Variants in KAT6A observed in about 807,000 individuals in gnomAD.
KAT6A encodes the protein histone acetyltransferase KAT6A.
In KAT6A, 9 loss-of-function variants were observed where a neutral mutation model predicts 198.4. The ratio of observed to expected loss-of-function variants is 0.05; its 90% CI spans 0.03 to 0.08. The LOEUF (loss-of-function observed/expected upper bound fraction) is 0.08. KAT6A is among the 10% of genes least tolerant of loss of function. The pLI is 1.00. For missense variants in KAT6A, 2,077 were observed against 2,509.9 expected (o/e 0.83, Z 3.69); for synonymous variants, 890 against 883.0 (o/e 1.01, Z -0.14).
At chr8:41,978,874 A>C (rs913731481) in intron 5 of KAT6A, 97 bp from the exon 6 acceptor site, 14 of 1,127,706 alleles carry the variant, frequency 1.2e-5, no homozygotes, top group Admixed American at 6.8e-5. Context: ...TTTTTCAGGT[A>C]AAAGACTGTC....
At chr8:41,977,349 A>G (rs769485024) in intron 6 of KAT6A, 22 bp from the exon 7 acceptor site, 27 of 1,571,850 alleles carry the variant, frequency 1.7e-5, no homozygotes, top group Middle Eastern at 1.7e-4. Context: ...AACAGGGGAA[A>G]GGGTAAGTAT....
chr8:42,033,293 A>C (rs1374876768), intron 2 of KAT6A, among the ~76,000 whole-genome samples: 2 of 152,188 alleles, frequency 1.3e-5, no homozygotes, highest in African/African-American at 4.8e-5. Flanking sequence ...TTTAAAAGGC[A>C]GTAAGTAAAA....
chr8:41,976,964 T>C (rs1218926808), intron 7 of KAT6A, 44 bp downstream of exon 7: 1 of 1,407,724 alleles, frequency 7.1e-7, no homozygotes. Context: ...GAATAATACA[T>C]GTACAGAATA....
intron 2 of KAT6A, among the ~76,000 whole-genome samples, chr8:42,028,098 T>C (rs1464296951): frequency 6.6e-6 from 1 of 152,212 alleles, no homozygotes; most frequent in Admixed American, 6.5e-5. Flanking sequence ...TTATTCCATT[T>C]TGGTCTAAGA....
Position 41,931,608 on chromosome 8 carries a change from C to G in KAT6A, c.*597G>C, listed in dbSNP as rs934078173. On this transcript the variant is annotated 3_prime_UTR_variant, in exon 17 of 17. Transcript: ENST00000265713. The stretch of plus-strand genomic sequence containing the variant: ...GTGGAGGGGATTTTAAAAGGAGAAG[C>G]ATTTTCCTGCCTCACTTTATTAATA... 32 of 195,426 alleles carry G rather than the reference C, an allele frequency of 1.6e-4. No individual in the cohort carries two copies. The highest frequency in any genetic ancestry group is 7.2e-4 in the African/African-American group (31 of 43,176). 12.1% of individuals were successfully genotyped at this position (195,426 alleles called of 1,614,324 possible).
intron 15 of KAT6A, among the ~76,000 whole-genome samples, chr8:41,940,350 G>T (rs1057439292): frequency 5.3e-5 from 8 of 152,212 alleles, no homozygotes; most frequent in Admixed American, 1.3e-4. Flanking sequence ...GGGGAGAGTA[G>T]AGAGAAAACA....
intron 2 of KAT6A, among the ~76,000 whole-genome samples, chr8:42,017,859 G>A (rs1465518475): frequency 1.3e-5 from 2 of 152,192 alleles, no homozygotes; most frequent in Non-Finnish European, 2.9e-5. Context: ...TAAGCTCCAC[G>A]AGGGCAGGGA....
At chr8:42,051,062 T>C (rs533395070) in intron 1 of KAT6A, among the ~76,000 whole-genome samples, 112 of 152,242 alleles carry the variant, frequency 7.4e-4, no homozygotes, top group African/African-American at 2.6e-3. Context: ...GCTGCACCGT[T>C]TCCACGCGAT....
At chr8:42,025,382 T>C (rs900432154) in intron 2 of KAT6A, among the ~76,000 whole-genome samples, 8 of 151,920 alleles carry the variant, frequency 5.3e-5, no homozygotes, top group African/African-American at 1.7e-4. Context: ...TGGCTAATTT[T>C]TTGTATTTTT....
intron 2 of KAT6A, among the ~76,000 whole-genome samples, chr8:42,046,642 G>A (rs1458278586): frequency 6.6e-6 from 1 of 152,212 alleles, no homozygotes; most frequent in Non-Finnish European, 1.5e-5. Context: ...TTTCCAGGCA[G>A]TTAACCTGTT....
chr8:41,981,808 A>G, intron 4 of KAT6A, 31 bp downstream of exon 4: 1 of 1,305,768 alleles, frequency 7.7e-7, no homozygotes, highest in Non-Finnish European at 1.1e-6. Flanking sequence ...TACTAAATGA[A>G]ACACCCATAT....
At chr8:41,998,616 C>T (rs1825340945) in intron 2 of KAT6A, among the ~76,000 whole-genome samples, 1 of 152,156 alleles carries the variant, frequency 6.6e-6, no homozygotes, top group Non-Finnish European at 1.5e-5. Flanking sequence ...ACTAAGTAAG[C>T]GTTTGTTGAA....
chr8:41,956,157 C>T (rs11993668), intron 8 of KAT6A, among the ~76,000 whole-genome samples: 2,325 of 152,220 alleles, frequency 0.015, 56 homozygotes, highest in African/African-American at 0.053. Flanking sequence ...CTTTCCAGAT[C>T]AGAAATTCAA....
chr8:41,967,630 C>G (rs1823575877), intron 8 of KAT6A, among the ~76,000 whole-genome samples: 1 of 152,046 alleles, frequency 6.6e-6, no homozygotes, highest in African/African-American at 2.4e-5. Context: ...ATGAACTCAT[C>G]ATTTTTTATG....
At chr8:42,041,515 T>C (rs1440534207) in intron 2 of KAT6A, among the ~76,000 whole-genome samples, 3 of 152,140 alleles carry the variant, frequency 2.0e-5, no homozygotes, top group African/African-American at 4.8e-5. Flanking sequence ...GGTGGGCGGA[T>C]CACCTGAGGT....
chr8:41,965,511 T>C (rs1406716834), intron 8 of KAT6A, among the ~76,000 whole-genome samples: 1 of 152,178 alleles, frequency 6.6e-6, no homozygotes, highest in Admixed American at 6.5e-5. Context: ...AAACATCCTC[T>C]TATCTAGCCA....
chr8:42,023,259 G>T (rs894930327), intron 2 of KAT6A, among the ~76,000 whole-genome samples: 2 of 152,056 alleles, frequency 1.3e-5, no homozygotes, highest in Non-Finnish European at 2.9e-5. Context: ...TGAATGAGTG[G>T]TGAGTGAACA....
intron 2 of KAT6A, among the ~76,000 whole-genome samples, chr8:42,017,304 G>A (rs1360111208): frequency 6.6e-6 from 1 of 152,132 alleles, no homozygotes; most frequent in Non-Finnish European, 1.5e-5. Context: ...CAGGCCCCTT[G>A]AGAGACACTG....
intron 8 of KAT6A, among the ~76,000 whole-genome samples, chr8:41,966,167 A>T (rs890066218): frequency 6.6e-6 from 1 of 151,982 alleles, no homozygotes; most frequent in Non-Finnish European, 1.5e-5. Flanking sequence ...GTGCCAAATA[A>T]ATGTGAGCTT....
Sources: allele counts gnomAD v4.1 joint callset (sites outside exome capture counted in the v4.1 genomes callset), GRCh38; gene constraint gnomAD v4.1.1; transcripts MANE v1.5; gene names NCBI Gene and HGNC (gene_info 2026-07-23, HGNC 2026-07-21).